ZFP1: variants seen among roughly 807,000 people sequenced by gnomAD.
ZFP1 encodes the protein ZFP1 zinc finger protein, also known as zinc finger protein 1 homolog.
In ZFP1, 32 loss-of-function variants were observed where a neutral mutation model predicts 38.5. That is an observed-to-expected ratio of 0.83 (90% CI 0.63 to 1.12). The LOEUF is 1.12. ZFP1 is among the 50% of genes most tolerant of loss of function. The pLI, the probability that ZFP1 is intolerant of heterozygous loss-of-function variation, is 0.00. For missense variants in ZFP1, 616 were observed against 480.8 expected, an observed-to-expected ratio of 1.28 and a Z score of -2.63; for synonymous variants, 245 against 168.8, an observed-to-expected ratio of 1.45 and a Z score of -3.50.
At chr16:75,142,968 C>G in the ZFP1 span, among the ~76,000 whole-genome samples, 1 of 151,798 alleles carries the variant, frequency 6.6e-6, no homozygotes, top group African/African-American at 2.4e-5. Context: ...TCCCAAAGTG[C>G]TGGGATTACA....
chr16:75,162,063 G>T (rs1036064567), intron 2 of ZFP1, among the ~76,000 whole-genome samples: 3 of 151,510 alleles, frequency 2.0e-5, no homozygotes, highest in African/African-American at 7.3e-5. Flanking sequence ...GGGATCACAG[G>T]CGTGAACCAC....
the ZFP1 span, among the ~76,000 whole-genome samples, chr16:75,130,317 A>G: frequency 2.0e-5 from 3 of 152,002 alleles, no homozygotes; most frequent in Non-Finnish European, 4.4e-5. Flanking sequence ...GGAGTTTTAT[A>G]TGGTGGCACG....
chr16:75,129,745 C>A, the ZFP1 span, among the ~76,000 whole-genome samples: 2 of 152,194 alleles, frequency 1.3e-5, no homozygotes, highest in African/African-American at 4.8e-5. Context: ...CCTCCTGAGG[C>A]TGTGTCATGG....
the ZFP1 span, among the ~76,000 whole-genome samples, chr16:75,137,990 A>T: frequency 3.5e-4 from 47 of 133,764 alleles, no homozygotes; most frequent in Admixed American, 2.7e-3. Flanking sequence ...TAGATACCTC[A>T]CCCTAAAGGC....
chr16:75,133,542 C>T, the ZFP1 span, among the ~76,000 whole-genome samples: 1 of 152,148 alleles, frequency 6.6e-6, no homozygotes, highest in Non-Finnish European at 1.5e-5. Flanking sequence ...GTGTTAGTTT[C>T]CTAAGGATGA....
chr16:75,148,944 G>A (rs2037030254), intron 1 of ZFP1: 1 of 152,080 alleles, frequency 6.6e-6, no homozygotes, highest in Non-Finnish European at 1.5e-5. Context: ...GGCCGCGCGG[G>A]AGCGAGTTCT....
chr16:75,120,454 TTCGTCTCG>T, the ZFP1 span, among the ~76,000 whole-genome samples: 1 of 152,166 alleles, frequency 6.6e-6, no homozygotes, highest in African/African-American at 2.4e-5. Flanking sequence ...AACAGGCAAG[TTCGTCTCG>T]TCTCTTCAAC....
chr16:75,169,892 C>T lies in ZFP1; in HGVS notation c.782C>T (p.Ala261Val). Residue 261 changes from alanine (A) to valine (V), a missense_variant, in exon 4 of 4, where the codon GCA (alanine) becomes GTA (valine). Coordinates refer to ENST00000570010, the MANE Select transcript of ZFP1 (RefSeq NM_153688.4). The stretch of plus-strand genomic sequence containing the variant: ...TCAAACCTCATTGTACACCAGAGAG[C>T]ACATATGGAGAAGAAGCCCTATGAG... The part of the protein sequence containing the change: ...HQSNLIVHQR[A>V]HMEKKPYECS... 1.2e-6 allele frequency: 2 copies of T among 1,614,182 alleles called. No individual in the cohort carries two copies. The highest frequency in any genetic ancestry group is 1.7e-6 in the Non-Finnish European group (2 of 1,180,026).
the ZFP1 span, among the ~76,000 whole-genome samples, chr16:75,141,327 C>G: frequency 6.6e-6 from 1 of 151,194 alleles, no homozygotes; most frequent in African/African-American, 2.4e-5. Flanking sequence ...CTCAGCCTCC[C>G]GAGTAGCTGG....
the ZFP1 span, among the ~76,000 whole-genome samples, chr16:75,140,708 C>G: frequency 1.3e-5 from 2 of 152,142 alleles, no homozygotes; most frequent in Non-Finnish European, 2.9e-5. Context: ...GCCTGTAATC[C>G]CAGCACTTTG....
At chr16:75,126,854 C>T in the ZFP1 span, among the ~76,000 whole-genome samples, 1 of 152,072 alleles carries the variant, frequency 6.6e-6, no homozygotes, top group African/African-American at 2.4e-5. Context: ...TTAATAGGTT[C>T]TCTAAAATCC....
chr16:75,150,817 A>C (rs151156748), intron 1 of ZFP1, among the ~76,000 whole-genome samples: 3 of 152,042 alleles, frequency 2.0e-5, no homozygotes, highest in Non-Finnish European at 4.4e-5. Flanking sequence ...TTGATCGTAG[A>C]ATCTTCCTTG....
chr16:75,124,867 T>G, the ZFP1 span, among the ~76,000 whole-genome samples: 1 of 150,700 alleles, frequency 6.6e-6, no homozygotes, highest in Admixed American at 6.6e-5. Context: ...AAAGAGGTTT[T>G]TTTTTTTTTT....
At chr16:75,140,748 A>G in the ZFP1 span, among the ~76,000 whole-genome samples, 2 of 152,208 alleles carry the variant, frequency 1.3e-5, no homozygotes, top group East Asian at 3.9e-4. Context: ...TCACGAGGTC[A>G]GGAGATCGAG....
the ZFP1 span, among the ~76,000 whole-genome samples, chr16:75,131,796 TC>T: frequency 3.5e-4 from 53 of 152,000 alleles, no homozygotes; most frequent in South Asian, 1.2e-3. Context: ...CAACCCTGTC[TC>T]TACTAAAAAT....
chr16:75,123,776 C>T, the ZFP1 span, among the ~76,000 whole-genome samples: 1 of 149,694 alleles, frequency 6.7e-6, no homozygotes, highest in Admixed American at 6.7e-5. Context: ...CCACACAGGC[C>T]AAAAACATTC....
the ZFP1 span, among the ~76,000 whole-genome samples, chr16:75,122,385 G>T: frequency 6.6e-6 from 1 of 152,196 alleles, no homozygotes; most frequent in Non-Finnish European, 1.5e-5. Flanking sequence ...GACAGAGTAG[G>T]TGACCAAGAG....
the ZFP1 span, among the ~76,000 whole-genome samples, chr16:75,138,882 A>T: frequency 6.6e-6 from 1 of 152,176 alleles, no homozygotes; most frequent in South Asian, 2.1e-4. Flanking sequence ...GCTGCCCAGT[A>T]TGTGGTCCTT....
chr16:75,146,528 A>C (rs996962232), upstream of ZFP1, among the ~76,000 whole-genome samples: 1 of 152,218 alleles, frequency 6.6e-6, no homozygotes. Context: ...CTGAACACAG[A>C]TGTTTAGAGC....
Sources: gnomAD v4.1 joint callset for allele counts (sites outside exome capture counted in the v4.1 genomes callset) on GRCh38, gnomAD v4.1.1 for gene constraint, MANE v1.5 for transcripts, NCBI Gene and HGNC (gene_info 2026-07-23, HGNC 2026-07-21) for gene names.